The following SPAG9 variants were observed in gnomAD, a reference collection of about 807,000 sequenced individuals.
The protein encoded by SPAG9 is sperm associated antigen 9, also known as C-Jun-amino-terminal kinase-interacting protein 4.
In SPAG9, 35 loss-of-function variants were observed where a neutral mutation model predicts 166.5. The observed-to-expected ratio is 0.21, with a 90% CI of 0.16 to 0.28. SPAG9 has a LOEUF of 0.28. Ranked by LOEUF, SPAG9 falls within the 10% of genes least tolerant of loss-of-function variation. SPAG9 has a pLI of 1.00. For missense variants in SPAG9, 1,235 were observed against 1,603.3 expected, an observed-to-expected ratio of 0.77 and a Z score of 3.92; for synonymous variants, 534 against 565.5, an observed-to-expected ratio of 0.94 and a Z score of 0.79.
intron 2 of SPAG9, among the ~76,000 whole-genome samples, chr17:51,074,440 A>G (rs2047911173): frequency 1.3e-5 from 2 of 152,206 alleles, no homozygotes; most frequent in African/African-American, 4.8e-5. Flanking sequence ...AGTTCATAGA[A>G]AAAAGATTTC....
chr17:50,986,180 T>C (rs928562108), intron 22 of SPAG9, among the ~76,000 whole-genome samples: 1 of 152,246 alleles, frequency 6.6e-6, no homozygotes, highest in Non-Finnish European at 1.5e-5. Context: ...CTGCCACCTG[T>C]TTTAATCCAG....
intron 4 of SPAG9, chr17:51,046,496 G>C: frequency 6.5e-7 from 1 of 1,532,762 alleles, no homozygotes; most frequent in South Asian, 1.2e-5. Context: ...AGAGATGGGA[G>C]TACCTGAGTA....
intron 1 of SPAG9, among the ~76,000 whole-genome samples, chr17:51,111,598 T>TTG (rs1555663446): frequency 6.6e-6 from 1 of 152,008 alleles, no homozygotes; most frequent in Non-Finnish European, 1.5e-5. Context: ...TTGTGATTTT[T>TTG]TTTTGTTTTG....
At chr17:51,048,464 C>G (rs1352275016) in intron 3 of SPAG9, among the ~76,000 whole-genome samples, 1 of 150,772 alleles carries the variant, frequency 6.6e-6, no homozygotes, top group Admixed American at 6.6e-5. Context: ...TTTTAATGTC[C>G]CTTCTCACCA....
At chr17:51,066,132 G>C (rs996351232) in intron 2 of SPAG9, among the ~76,000 whole-genome samples, 1 of 151,530 alleles carries the variant, frequency 6.6e-6, no homozygotes, top group Non-Finnish European at 1.5e-5. Flanking sequence ...TTGAGACAGG[G>C]TCTTGTTCTG....
Position 51,021,111 on chromosome 17 carries a change from G to C in SPAG9, c.991+47C>G, listed in dbSNP as rs761799246. Reference sequence around the variant, plus strand: ...TATTTTCTCATACCCACATTATCCAGGTTTACTGAATACTTTCCTAGTAAG... The same window carrying C: ...TATTTTCTCATACCCACATTATCCACGTTTACTGAATACTTTCCTAGTAAG... On this transcript the variant is annotated intron_variant, in intron 7 of 29. Coordinates refer to ENST00000262013, the MANE Select transcript of SPAG9 (RefSeq NM_001130528.3). 3 of 1,503,208 alleles carry C rather than the reference G, an allele frequency of 2.0e-6. No individual in the cohort carries two copies. The Admixed American group carries it at 5.0e-5, about 25-fold the overall frequency. 93.1% of individuals were successfully genotyped at this position (1,503,208 alleles called of 1,614,324 possible). A position where few individuals can be genotyped will look rare whatever the true frequency, so the allele number is the denominator to read the frequency against.
chr17:51,062,653 T>G (rs753406846), intron 2 of SPAG9, among the ~76,000 whole-genome samples: 5 of 152,168 alleles, frequency 3.3e-5, no homozygotes, highest in Admixed American at 1.3e-4. Context: ...TGTAGTGGCA[T>G]GATCTCAGCT....
intron 2 of SPAG9, among the ~76,000 whole-genome samples, chr17:51,071,169 G>T (rs2047811557): frequency 6.6e-6 from 1 of 152,064 alleles, no homozygotes; most frequent in Admixed American, 6.6e-5. Flanking sequence ...TACTGGACCA[G>T]TTTAATATTT....
chr17:51,045,481 C>T (rs994575012), intron 4 of SPAG9, among the ~76,000 whole-genome samples: 1 of 151,918 alleles, frequency 6.6e-6, no homozygotes, highest in Admixed American at 6.6e-5. Context: ...AATTTCTGGG[C>T]TTTCAACTAA....
intron 6 of SPAG9, among the ~76,000 whole-genome samples, chr17:51,025,264 G>A (rs2046110187): frequency 7.7e-6 from 1 of 129,358 alleles, no homozygotes; most frequent in Middle Eastern, 5.6e-3. Flanking sequence ...GCTGCAGTGA[G>A]CCAAAATTGT....
rs1250327565 is a variant in SPAG9, at chr17:51,089,639, TATATATATATATATATATATATATAC to T, written c.304-9961_304-9936del. ...TTTATTTTATATATATATATATATA[TATATATATATATATATATATATATAC>T]ACATACACACACACACTTTCTTTTT... On this transcript the variant is annotated intron_variant, in intron 1 of 29. Coordinates refer to ENST00000262013, the MANE Select transcript of SPAG9 (RefSeq NM_001130528.3). Among the ~76,000 whole-genome samples the T allele has an allele frequency of 1.7e-4, 14 of 82,584 alleles. No individual in the cohort carries two copies. In the South Asian group the frequency reaches 1.7e-3, roughly 10 times the overall value. The allele number at this position is 82,584 out of a possible 152,430, so 54.2% of individuals were successfully genotyped here.
At chr17:51,027,851 TA>T (rs2046244254) in intron 6 of SPAG9, among the ~76,000 whole-genome samples, 1 of 152,154 alleles carries the variant, frequency 6.6e-6, no homozygotes. Context: ...AAGTTAACTA[TA>T]AAACAGCCTC....
At chr17:51,036,133 T>C (rs2046574691) in intron 5 of SPAG9, among the ~76,000 whole-genome samples, 1 of 152,190 alleles carries the variant, frequency 6.6e-6, no homozygotes, top group Non-Finnish European at 1.5e-5. Flanking sequence ...TTTCTCTCTA[T>C]TGAACCCTTC....
At position 51,014,336 on chromosome 17, in the gene SPAG9, A is replaced by G. The variant is rs1270941897; in HGVS notation, c.1109T>C (p.Ile370Thr). ...ATTGCGATCAAAAGCTTTGTTCTCT[A>G]TGCCTTTGGTGGGAGTGCTATGCAA... The part of the protein sequence containing the change: ...YKGSSTPTKG[I>T]ENKAFDRNTE... The change falls in exon 9 of 30, where the codon ATA becomes ACA. Residue 370 changes from isoleucine to threonine, a missense_variant. Transcript: ENST00000262013. 2 of 1,612,628 alleles carry G rather than the reference A, an allele frequency of 1.2e-6. No individual in the cohort carries two copies. The highest frequency in any genetic ancestry group is 2.2e-5 in the East Asian group (1 of 44,830).
At chr17:51,117,539 G>A (rs958287742) in intron 1 of SPAG9, among the ~76,000 whole-genome samples, 10 of 151,584 alleles carry the variant, frequency 6.6e-5, no homozygotes, top group African/African-American at 9.7e-5. Flanking sequence ...GTGAAACCCC[G>A]TCTCTACCAA....
chr17:51,052,780 C>T (rs1244208367), intron 3 of SPAG9, among the ~76,000 whole-genome samples: 2 of 151,820 alleles, frequency 1.3e-5, no homozygotes, highest in Admixed American at 1.3e-4. Context: ...TATTTTAGGC[C>T]AGGCATGGTA....
At chr17:51,011,804 T>A (rs1028045885) in intron 9 of SPAG9, among the ~76,000 whole-genome samples, 3 of 152,158 alleles carry the variant, frequency 2.0e-5, no homozygotes, top group Non-Finnish European at 4.4e-5. Context: ...ATCTACAAAA[T>A]GGAAAAGATA....
At chr17:51,063,944 T>C (rs934236891) in intron 2 of SPAG9, among the ~76,000 whole-genome samples, 41 of 151,964 alleles carry the variant, frequency 2.7e-4, no homozygotes, top group African/African-American at 9.7e-4. Context: ...AAATGGAATT[T>C]TAAAAAAATA....
chr17:51,038,351 G>A (rs1039437424), intron 5 of SPAG9, among the ~76,000 whole-genome samples: 1 of 152,170 alleles, frequency 6.6e-6, no homozygotes, highest in Non-Finnish European at 1.5e-5. Context: ...AAGCAGAAGA[G>A]AAACCAGCAA....
Sources: allele counts gnomAD v4.1 joint callset (sites outside exome capture counted in the v4.1 genomes callset), GRCh38; gene constraint gnomAD v4.1.1; transcripts MANE v1.5; gene names NCBI Gene and HGNC (gene_info 2026-07-23, HGNC 2026-07-21).